FANK1: variants seen among roughly 807,000 people sequenced by gnomAD.
The protein encoded by FANK1 is fibronectin type III and ankyrin repeat domains 1.
In FANK1, 44 loss-of-function variants were observed where a neutral mutation model predicts 45.3. The observed-to-expected ratio is 0.97, with a 90% confidence interval of 0.76 to 1.25. FANK1 has a LOEUF of 1.25. Among genes scored for constraint, FANK1 ranks in the 50% most tolerant of loss-of-function variants. The probability of loss-of-function intolerance (pLI) is 0.00; values close to 1 mark genes in which losing one functional copy is unlikely to be tolerated. For synonymous variants in FANK1, 149 were observed against 152.5 expected (o/e 0.98, Z 0.17); for missense variants, 391 against 424.4 (o/e 0.92, Z 0.69).
At chr10:125,985,007 T>A (rs1951462171) in intron 2 of FANK1, among the ~76,000 whole-genome samples, 1 of 152,256 alleles carries the variant, frequency 6.6e-6, no homozygotes, top group African/African-American at 2.4e-5. Context: ...GTCCCTGCTG[T>A]GGCTTTTGTC....
chr10:125,914,295 A>ATATATATATATATATATATAT (rs1946274486), intron 1 of FANK1, among the ~76,000 whole-genome samples: 2 of 150,958 alleles, frequency 1.3e-5, no homozygotes, highest in African/African-American at 4.9e-5. Context: ...ATATATATTT[A>ATATATATATATATATATATAT]AAAAGTCTCA....
chr10:126,006,889 A>G (rs576606822), intron 7 of FANK1, among the ~76,000 whole-genome samples: 1 of 152,290 alleles, frequency 6.6e-6, no homozygotes, highest in South Asian at 2.1e-4. Flanking sequence ...AATAGGGCAA[A>G]TCTCTGCTAT....
intron 1 of FANK1, among the ~76,000 whole-genome samples, chr10:125,949,685 C>T (rs1278144122): frequency 1.3e-4 from 18 of 136,622 alleles, no homozygotes; most frequent in Non-Finnish European, 1.6e-4. Flanking sequence ...AATGGCCATA[C>T]TGCCCAAGGT....
chr10:125,986,299 C>T (rs1450728969), intron 2 of FANK1, among the ~76,000 whole-genome samples: 5 of 151,990 alleles, frequency 3.3e-5, no homozygotes, highest in Non-Finnish European at 5.9e-5. Flanking sequence ...GTGCTACACC[C>T]GAGAAGTCAT....
In FANK1 at chr10:125,951,774, C is replaced by T. The variant is rs79094348; in HGVS notation, c.14-28387C>T. Among the ~76,000 whole-genome samples, 941 of 152,212 alleles carry T rather than the reference C, an allele frequency of 6.2e-3. 7 individuals carry two copies. The highest frequency in any genetic ancestry group is 0.011 in the Non-Finnish European group (723 of 68,012). On this transcript the variant is annotated intron_variant, in intron 1 of 10. Transcript: ENST00000368693. ...TCCTTTTTTGGTTTCCACTAAGATA[C>T]CTTCCGTTGAGTTTAAATTTTAGAA...
At chr10:126,008,677 T>G in intron 8 of FANK1, 127 bp downstream of exon 8, 1 of 1,089,858 alleles carries the variant, frequency 9.2e-7, no homozygotes, top group Non-Finnish European at 1.3e-6. Flanking sequence ...GTGTGTGTGT[T>G]CCCTGTCGGC....
chr10:125,907,279 C>G (rs149462671), intron 1 of FANK1, among the ~76,000 whole-genome samples: 2 of 152,082 alleles, frequency 1.3e-5, no homozygotes, highest in Non-Finnish European at 2.9e-5. Context: ...CTAACTTGTG[C>G]CTAATTAGTT....
At chr10:125,914,211 A>G (rs909466541) in intron 1 of FANK1, among the ~76,000 whole-genome samples, 2 of 151,250 alleles carry the variant, frequency 1.3e-5, no homozygotes, top group Non-Finnish European at 2.9e-5. Context: ...TCATTCCTCA[A>G]TGTCACATTC....
intron 1 of FANK1, among the ~76,000 whole-genome samples, chr10:125,913,435 G>A (rs1589821471): frequency 1.3e-5 from 2 of 152,180 alleles, no homozygotes; most frequent in Non-Finnish European, 1.5e-5. Context: ...GCTGTCGTGA[G>A]TCCTGGCGCT....
At chr10:125,942,618 A>T (rs903829739) in intron 1 of FANK1, among the ~76,000 whole-genome samples, 5 of 152,322 alleles carry the variant, frequency 3.3e-5, no homozygotes, top group Admixed American at 6.5e-5. Flanking sequence ...CAAATATTTA[A>T]AAGCTGACAA....
At chr10:125,939,476 A>G (rs773735534) in intron 1 of FANK1, among the ~76,000 whole-genome samples, 5 of 152,228 alleles carry the variant, frequency 3.3e-5, no homozygotes, top group Non-Finnish European at 7.3e-5. Context: ...AAAAGTGTAC[A>G]CATATCAGAA....
intron 1 of FANK1, among the ~76,000 whole-genome samples, chr10:125,978,285 G>A (rs966691696): frequency 2.6e-5 from 4 of 151,730 alleles, no homozygotes; most frequent in Non-Finnish European, 4.4e-5. Flanking sequence ...GGGAGGTCCC[G>A]GCCAGTGAGG....
intron 1 of FANK1, among the ~76,000 whole-genome samples, chr10:125,943,464 G>A (rs1948581394): frequency 6.6e-6 from 1 of 151,970 alleles, no homozygotes; most frequent in African/African-American, 2.4e-5. Context: ...ATCACCCCCA[G>A]GAGAAATCTC....
intron 1 of FANK1, among the ~76,000 whole-genome samples, chr10:125,906,360 A>G (rs1401288090): frequency 6.6e-6 from 1 of 151,850 alleles, no homozygotes; most frequent in Non-Finnish European, 1.5e-5. Flanking sequence ...TATTAAAACT[A>G]CAAAAATCAG....
intron 1 of FANK1, among the ~76,000 whole-genome samples, chr10:125,931,131 G>A (rs1312999064): frequency 2.0e-5 from 3 of 152,214 alleles, no homozygotes; most frequent in Non-Finnish European, 4.4e-5. Context: ...GGGCATTTGG[G>A]TTGGTTCCAC....
At chr10:125,934,222 T>C (rs945393467) in intron 1 of FANK1, among the ~76,000 whole-genome samples, 1 of 152,246 alleles carries the variant, frequency 6.6e-6, no homozygotes, top group Admixed American at 6.5e-5. Flanking sequence ...AGTTTCATAA[T>C]AGAAATGTTA....
At chr10:125,959,595 G>A (rs190895387) in intron 1 of FANK1, among the ~76,000 whole-genome samples, 5 of 152,190 alleles carry the variant, frequency 3.3e-5, no homozygotes, top group African/African-American at 9.6e-5. Flanking sequence ...AACAGCTCCC[G>A]TGTTAAGTGT....
chr10:125,995,355 T>G, intron 3 of FANK1, 62 bp from the exon 4 acceptor site: 1 of 1,497,850 alleles, frequency 6.7e-7, no homozygotes, highest in Non-Finnish European at 9.3e-7. Flanking sequence ...AGGAGGACGA[T>G]GGCGGGAAGC....
At position 126,009,397 on chromosome 10, in the gene FANK1, A is replaced by T. The variant is rs753189783; in HGVS notation, c.997A>T (p.Arg333Trp). The change falls in exon 11 of 11, where the codon AGG (arginine) becomes TGG (tryptophan). Residue 333 changes from arginine (R) to tryptophan (W), a missense_variant. By Grantham distance (101) the Arg-to-Trp change is moderately radical. Transcript: ENST00000368693. ...RQSVVSLLEE[R>W]KKKQRPKKSC... is the part of the protein sequence containing the mutation. ...GAGTGTAGTCTCCTTATTAGAAGAA[A>T]GGAAAAAAAAGCAGAGGCCAAAGAA... The T allele has an allele frequency of 6.2e-6, 10 of 1,614,150 alleles. No homozygotes were observed. The highest frequency in any genetic ancestry group is 8.5e-6 in the Non-Finnish European group (10 of 1,180,024).
Sources: allele counts gnomAD v4.1 joint callset (sites outside exome capture counted in the v4.1 genomes callset), GRCh38; gene constraint gnomAD v4.1.1; transcripts MANE v1.5; gene names NCBI Gene and HGNC (gene_info 2026-07-23, HGNC 2026-07-21).